SLC5A4: variants seen among roughly 807,000 people sequenced by gnomAD.
SLC5A4 encodes the protein probable glucose sensor protein SLC5A4.
A neutral mutation model predicts 70.3 loss-of-function variants in SLC5A4; 55 were observed. The observed-to-expected ratio is 0.78, with a 90% CI of 0.63 to 0.98. SLC5A4 has a LOEUF of 0.98. SLC5A4 is among the 50% of genes least tolerant of loss of function. SLC5A4 has a pLI of 0.00. For missense variants in SLC5A4, 735 were observed against 839.2 expected (o/e 0.88, Z 1.53); for synonymous variants, 268 against 305.7 (o/e 0.88, Z 1.29).
the SLC5A4 span, among the ~76,000 whole-genome samples, chr22:32,307,747 T>C: frequency 6.6e-6 from 1 of 152,206 alleles, no homozygotes; most frequent in Non-Finnish European, 1.5e-5. Flanking sequence ...CACAGGCTTG[T>C]CTTCCGGAGG....
intron 8 of SLC5A4, among the ~76,000 whole-genome samples, chr22:32,233,574 A>C (rs534122240): frequency 6.6e-6 from 1 of 152,340 alleles, no homozygotes; most frequent in Admixed American, 6.5e-5. Flanking sequence ...AAGGTTGGGC[A>C]CCAGAGGGAG....
chr22:32,247,882 C>G (rs535035468), intron 4 of SLC5A4, among the ~76,000 whole-genome samples: 3 of 152,360 alleles, frequency 2.0e-5, no homozygotes, highest in East Asian at 3.9e-4. Context: ...TCATTTGCCT[C>G]TGATCTGGAA....
intron 3 of SLC5A4, 74 bp downstream of exon 3, chr22:32,251,696 C>T: frequency 2.2e-6 from 2 of 898,130 alleles, no homozygotes; most frequent in Admixed American, 1.8e-5. Context: ...GATATTCTGT[C>T]ATAGCAGCAT....
At chr22:32,339,246 T>C in the SLC5A4 span, among the ~76,000 whole-genome samples, 2 of 152,194 alleles carry the variant, frequency 1.3e-5, no homozygotes, top group Non-Finnish European at 2.9e-5. Context: ...TTTTTTACTC[T>C]TCAAATAATG....
the SLC5A4 span, among the ~76,000 whole-genome samples, chr22:32,312,180 C>T: frequency 6.6e-6 from 1 of 152,040 alleles, no homozygotes; most frequent in Admixed American, 6.5e-5. Context: ...TTTCAAATCC[C>T]CAGTGCTCCC....
At chr22:32,351,366 T>C in the SLC5A4 span, among the ~76,000 whole-genome samples, 1 of 151,882 alleles carries the variant, frequency 6.6e-6, no homozygotes, top group African/African-American at 2.4e-5. Context: ...TCCAACTGAT[T>C]TTTTCCTCAT....
At chr22:32,316,934 C>CTGTGTGTGTGTGTGTGTG in the SLC5A4 span, among the ~76,000 whole-genome samples, 1,915 of 148,686 alleles carry the variant, frequency 0.013, 14 homozygotes, top group African/African-American at 0.016. Flanking sequence ...ATTAACAACT[C>CTGTGTGTGTGTGTGTGTG]TGTGTGTGTG....
At chr22:32,353,807 T>C in the SLC5A4 span, among the ~76,000 whole-genome samples, 10,136 of 148,872 alleles carry the variant, frequency 0.068, 415 homozygotes, top group Admixed American at 0.11. Context: ...GTACACAGTG[T>C]AGCCACGAAT....
chr22:32,260,050 C>G (rs1927684203), upstream of SLC5A4, among the ~76,000 whole-genome samples: 1 of 152,174 alleles, frequency 6.6e-6, no homozygotes, highest in Non-Finnish European at 1.5e-5. Flanking sequence ...AAGAAAGCAA[C>G]AGGGTCCCTG....
chr22:32,304,183 A>G, the SLC5A4 span, among the ~76,000 whole-genome samples: 72,806 of 151,790 alleles, frequency 0.48, 17,611 homozygotes, highest in Admixed American at 0.51. Context: ...GTGGAGTGCA[A>G]TGGTGCAATC....
At chr22:32,306,778 T>C in the SLC5A4 span, among the ~76,000 whole-genome samples, 4 of 152,208 alleles carry the variant, frequency 2.6e-5, no homozygotes, top group South Asian at 6.2e-4. Flanking sequence ...CCCACCTCGT[T>C]ACTGCACATT....
At position 32,224,267 on chromosome 22, in the gene SLC5A4, A is replaced by G. The variant is rs1427944180; in HGVS notation, c.1665T>C (p.His555=). ...SLLTKPIPDV[H]LYRLCWVLRN... ...CATGTATTCATTACTCATCACTCACATGTACATCAGGAATGGGTTTTGTTA... is the reference window on the plus strand; with the variant it reads ...CATGTATTCATTACTCATCACTCACGTGTACATCAGGAATGGGTTTTGTTA... Residue 555 remains histidine (H), a splice_region_variant and synonymous_variant, in exon 13 of 15, where the codon CAT becomes CAC. Coordinates refer to ENST00000266086, the MANE Select transcript of SLC5A4 (RefSeq NM_014227.3). 6.2e-7 allele frequency: 1 copy of G among 1,604,550 alleles called. No individual in the cohort carries two copies. The highest frequency in any genetic ancestry group is 8.5e-7 in the Non-Finnish European group (1 of 1,171,564).
At chr22:32,238,884 T>C in intron 6 of SLC5A4, 101 bp downstream of exon 6, 1 of 800,706 alleles carries the variant, frequency 1.2e-6, no homozygotes, top group Non-Finnish European at 2.2e-6. Context: ...ATGGTGCCTT[T>C]ACCTCGGCAG....
the SLC5A4 span, among the ~76,000 whole-genome samples, chr22:32,343,965 G>T: frequency 9.2e-5 from 14 of 152,068 alleles, no homozygotes; most frequent in African/African-American, 3.4e-4. Flanking sequence ...TGTAGGCTTC[G>T]AACAGTTGTA....
At chr22:32,232,762 G>A in intron 9 of SLC5A4, 137 bp downstream of exon 9, 1 of 1,074,208 alleles carries the variant, frequency 9.3e-7, no homozygotes, top group Non-Finnish European at 1.3e-6. Flanking sequence ...TGACCACTGT[G>A]CAGGCTGCTC....
At chr22:32,327,637 G>C in the SLC5A4 span, among the ~76,000 whole-genome samples, 1 of 152,210 alleles carries the variant, frequency 6.6e-6, no homozygotes, top group Non-Finnish European at 1.5e-5. Flanking sequence ...GGAGTTTGCT[G>C]AATAAATGAC....
At chr22:32,245,814 C>T (rs1007674654) in intron 5 of SLC5A4, among the ~76,000 whole-genome samples, 2 of 152,222 alleles carry the variant, frequency 1.3e-5, no homozygotes, top group Non-Finnish European at 2.9e-5. Flanking sequence ...CCACTGCGCC[C>T]GGCCTGCTCA....
At chr22:32,230,124 G>A (rs1326983909) in intron 10 of SLC5A4, among the ~76,000 whole-genome samples, 2 of 152,198 alleles carry the variant, frequency 1.3e-5, no homozygotes, top group African/African-American at 4.8e-5. Flanking sequence ...GACAGAGTGT[G>A]TGTGGATGGG....
rs774649973 is a variant in SLC5A4 at position 32,225,816 on chromosome 22, C to T, written c.1288G>A (p.Val430Ile). 6.3e-6 allele frequency: 10 copies of T among 1,596,714 alleles called. No homozygotes were observed. In the South Asian group the frequency reaches 6.8e-5, roughly 11 times the overall value. Residue 430 changes from valine (V) to isoleucine (I), a missense_variant, in exon 12 of 15, where the codon GTT (valine) becomes ATT (isoleucine). Physicochemically the swap from Val to Ile is conservative, Grantham distance 29 (BLOSUM62 3). Coordinates refer to ENST00000266086, the MANE Select transcript of SLC5A4 (RefSeq NM_014227.3). ...KELLIAGRIF[V>I]LLLTVVSIVW... is the part of the protein sequence containing the mutation. ...ATGCTCACAACAGTTAATAGAAGAACAAATATCCTGAGAAGAAAACAACAT... is the reference window on the plus strand; with the variant it reads ...ATGCTCACAACAGTTAATAGAAGAATAAATATCCTGAGAAGAAAACAACAT...
Sources: gnomAD v4.1 joint callset for allele counts (sites outside exome capture counted in the v4.1 genomes callset) on GRCh38, gnomAD v4.1.1 for gene constraint, MANE v1.5 for transcripts, NCBI Gene and HGNC (gene_info 2026-07-23, HGNC 2026-07-21) for gene names.